KCTD14: variants seen among roughly 807,000 people sequenced by gnomAD.
KCTD14 encodes the protein potassium channel tetramerization domain containing 14.
A neutral mutation model predicts 5.9 loss-of-function variants in KCTD14; 7 were observed. The observed-to-expected ratio is 1.19, with a 90% CI of 0.68 to 2.23. The LOEUF (loss-of-function observed/expected upper bound fraction) is 2.23, where lower values mean the gene tolerates loss of function less well. Among genes scored for constraint, KCTD14 ranks in the 30% most tolerant of loss-of-function variants. The pLI is 0.00. For missense variants in KCTD14, 342 were observed against 332.2 expected (o/e 1.03, Z -0.23); for synonymous variants, 140 against 133.1 (o/e 1.05, Z -0.36).
intron 1 of KCTD14, among the ~76,000 whole-genome samples, chr11:78,022,770 C>A (rs1290026142): frequency 6.6e-6 from 1 of 151,950 alleles, no homozygotes; most frequent in Non-Finnish European, 1.5e-5. Context: ...GATCCTCTGG[C>A]CGAGCTGGTT....
chr11:78,030,778 A>C (rs1857590942), intron 2 of KCTD14, among the ~76,000 whole-genome samples: 1 of 152,122 alleles, frequency 6.6e-6, no homozygotes, highest in Non-Finnish European at 1.5e-5. Context: ...AGCCCAGCCC[A>C]GGCTTGGCAG....
At chr11:78,040,423 T>C (rs148288541) in intron 1 of KCTD14, among the ~76,000 whole-genome samples, 75 of 152,202 alleles carry the variant, frequency 4.9e-4, no homozygotes, top group African/African-American at 1.8e-3. Flanking sequence ...TCTTTAACTC[T>C]GCTCCTCTTT....
At chr11:78,037,705 G>C (rs553551142) in intron 2 of KCTD14, among the ~76,000 whole-genome samples, 1 of 152,232 alleles carries the variant, frequency 6.6e-6, no homozygotes, top group Admixed American at 6.5e-5. Context: ...TGTAATCCCA[G>C]CTGCTCGGGA....
chr11:78,042,450 G>A (rs968277445), intron 1 of KCTD14, among the ~76,000 whole-genome samples: 19 of 152,060 alleles, frequency 1.2e-4, no homozygotes, highest in African/African-American at 4.6e-4. Flanking sequence ...GGAGGTTGCA[G>A]TGAGCCAAGA....
intron 1 of KCTD14, among the ~76,000 whole-genome samples, chr11:78,040,501 C>T: frequency 6.6e-6 from 1 of 151,406 alleles, no homozygotes; most frequent in African/African-American, 2.4e-5. Context: ...CTTTCTGCAC[C>T]TTTTAATTTT....
chr11:78,023,298 TG>T, upstream of KCTD14: 1 of 1,578,494 alleles, frequency 6.3e-7, no homozygotes, highest in Non-Finnish European at 8.6e-7. Flanking sequence ...CGCCCCTAGG[TG>T]GGAACACCGA....
chr11:78,036,433 G>A (rs1857805880), intron 2 of KCTD14, among the ~76,000 whole-genome samples: 1 of 152,158 alleles, frequency 6.6e-6, no homozygotes, highest in Non-Finnish European at 1.5e-5. Flanking sequence ...TATAAAGTGG[G>A]TATTTTTAGC....
chr11:78,040,138 G>A (rs1315159101), intron 1 of KCTD14, among the ~76,000 whole-genome samples: 1 of 152,224 alleles, frequency 6.6e-6, no homozygotes, highest in Non-Finnish European at 1.5e-5. Context: ...GGGGCTGCAG[G>A]CAAGGGCTGA....
At chr11:78,017,320 C>T in intron 1 of KCTD14, 50 bp from the exon 2 acceptor site, 14 of 1,510,696 alleles carry the variant, frequency 9.3e-6, no homozygotes, top group Non-Finnish European at 1.2e-5. Context: ...CCCCTGAGCG[C>T]ATTACTTATT....
At position 78,022,398 on chromosome 11, in the gene KCTD14, A is replaced by G. The variant is rs73505507; in HGVS notation, c.90+762T>C. Among the ~76,000 whole-genome samples the G allele has an allele frequency of 2.4e-3, 368 of 152,196 alleles. 1 individual carries two copies. Among genetic ancestry groups the G allele is most frequent in the African/African-American group, 8.5e-3 (352 of 41,508 alleles). ...CACAGTGCCTTACACTTCCCCAGTA[A>G]TTCATTCAGGCATTTATGGAACACC... On this transcript the variant is annotated intron_variant, in intron 1 of 1. Coordinates refer to ENST00000353172, the MANE Select transcript of KCTD14 (RefSeq NM_023930.4).
At chr11:78,023,057 G>C (rs1857347814) in intron 1 of KCTD14, 103 bp downstream of exon 1, 1 of 770,032 alleles carries the variant, frequency 1.3e-6, no homozygotes, top group South Asian at 1.7e-5. Flanking sequence ...CAGGGGGCTC[G>C]GGCGTCTGGG....
chr11:78,037,500 C>T (rs759536780), intron 2 of KCTD14, among the ~76,000 whole-genome samples: 11 of 152,288 alleles, frequency 7.2e-5, no homozygotes, highest in Admixed American at 4.6e-4. Context: ...AAAGAAGGGA[C>T]CTCCTGCTGA....
chr11:78,040,455 G>A (rs901896501), intron 1 of KCTD14, among the ~76,000 whole-genome samples: 2 of 146,486 alleles, frequency 1.4e-5, no homozygotes, highest in African/African-American at 5.1e-5. Flanking sequence ...TTTTCTCTTT[G>A]TGTGTCTCTC....
chr11:78,020,525 C>T (rs1255675186), intron 1 of KCTD14, among the ~76,000 whole-genome samples: 2 of 152,184 alleles, frequency 1.3e-5, no homozygotes, highest in East Asian at 3.8e-4. Flanking sequence ...ATTCTTTCTC[C>T]CATAAACCTC....
intron 1 of KCTD14, among the ~76,000 whole-genome samples, chr11:78,019,692 G>A (rs1003497772): frequency 1.3e-5 from 2 of 152,150 alleles, no homozygotes; most frequent in African/African-American, 2.4e-5. Flanking sequence ...AACATTCTTC[G>A]TAATGAAAAG....
chr11:78,028,195 A>G (rs562262895), upstream of KCTD14, among the ~76,000 whole-genome samples: 2 of 152,294 alleles, frequency 1.3e-5, no homozygotes, highest in South Asian at 2.1e-4. Context: ...CAATCATGAG[A>G]AAAACATCAG....
In KCTD14 at chr11:78,016,804, A is replaced by T; in HGVS notation, c.557T>A (p.Leu186Gln). The T allele has an allele frequency of 6.2e-7, 1 of 1,614,170 alleles. No homozygotes were observed. Among genetic ancestry groups the T allele is most frequent in the Non-Finnish European group, 8.5e-7 (1 of 1,179,992 alleles). Residue 186 changes from leucine to glutamine, a missense_variant, in exon 2 of 2, where the codon CTG becomes CAG. Physicochemically the swap from Leu to Gln is moderately radical, Grantham distance 113. Transcript: ENST00000353172. ...EEQDAYYSEV[L>Q]CFLQDKKMFK... ...CATCTTCTTATCCTGCAGAAAACAC[A>T]GGACCTCTGAATAATATGCATCCTG...
chr11:78,034,402 T>C (rs547401742), intron 2 of KCTD14, among the ~76,000 whole-genome samples: 1 of 152,318 alleles, frequency 6.6e-6, no homozygotes, highest in African/African-American at 2.4e-5. Context: ...TGTGAGCCAC[T>C]GTGCCTGGAG....
In KCTD14 at chr11:78,044,651, C is replaced by T. The variant is rs138086103; in HGVS notation, c.-96+1410G>A. On this transcript the variant is annotated intron_variant, in intron 1 of 2. Transcript: ENST00000533144. ...ATCTGTACGGGTCTGTAGTAACCTCCATTCTTGCCTCCTCAGAGGAAAGAA... is the reference window on the plus strand; with the variant it reads ...ATCTGTACGGGTCTGTAGTAACCTCTATTCTTGCCTCCTCAGAGGAAAGAA... Among the ~76,000 whole-genome samples, 134 of 152,272 alleles carry T rather than the reference C, an allele frequency of 8.8e-4. 1 individual carries two copies. The South Asian group carries it at 9.5e-3, about 11-fold the overall frequency.
Sources: allele counts gnomAD v4.1 joint callset (sites outside exome capture counted in the v4.1 genomes callset), GRCh38; gene constraint gnomAD v4.1.1; transcripts MANE v1.5; gene names NCBI Gene and HGNC (gene_info 2026-07-23, HGNC 2026-07-21).